Variants in PAPPA2 observed in about 807,000 individuals in gnomAD.
The protein encoded by PAPPA2 is pappalysin-2.
In PAPPA2, 86 loss-of-function variants were observed where a neutral mutation model predicts 176.4. The ratio of observed to expected loss-of-function variants is 0.49; its 90% CI spans 0.41 to 0.58. The LOEUF (loss-of-function observed/expected upper bound fraction) is 0.58. Among genes scored for constraint, PAPPA2 ranks in the 20% least tolerant of loss-of-function variants. PAPPA2 has a pLI of 0.00. For synonymous variants in PAPPA2, 809 were observed against 852.2 expected (o/e 0.95, Z 0.88); for missense variants, 2,073 against 2,256.9 (o/e 0.92, Z 1.65).
In PAPPA2 at chr1:176,678,087, GGAGAGCATTCCA is replaced by G. The variant is rs563522817; in HGVS notation, c.2137+6976_2137+6987del. Among the ~76,000 whole-genome samples the G allele has an allele frequency of 3.7e-3, 570 of 152,290 alleles. 4 individuals are homozygous for G. The highest frequency in any genetic ancestry group is 0.013 in the African/African-American group (533 of 41,580). The stretch of plus-strand genomic sequence containing the variant: ...AGCAGGAGTTTGCTTGGCAGACACA[GGAGAGCATTCCA>G]GAGTGGAAGAACTGGCAGATGGCAG... On this transcript the variant is annotated intron_variant, in intron 4 of 22. Transcript: ENST00000367662.
intron 3 of PAPPA2, among the ~76,000 whole-genome samples, chr1:176,646,542 AT>A (rs1657408230): frequency 6.7e-6 from 1 of 150,186 alleles, no homozygotes; most frequent in East Asian, 2.0e-4. Flanking sequence ...CACATGAACC[AT>A]CCCCCCACCT....
At chr1:176,665,290 G>A (rs571660886) in intron 3 of PAPPA2, among the ~76,000 whole-genome samples, 8 of 152,154 alleles carry the variant, frequency 5.3e-5, no homozygotes, top group African/African-American at 9.6e-5. Flanking sequence ...TACAATTCAT[G>A]CCCACCAGTT....
At chr1:176,583,211 C>T (rs1160835006) in intron 2 of PAPPA2, among the ~76,000 whole-genome samples, 1 of 151,810 alleles carries the variant, frequency 6.6e-6, no homozygotes, top group East Asian at 1.9e-4. Context: ...CTTTCTTAGT[C>T]TCTCTTTTGT....
intron 2 of PAPPA2, among the ~76,000 whole-genome samples, chr1:176,571,963 C>A (rs192792651): frequency 6.6e-6 from 1 of 152,170 alleles, no homozygotes; most frequent in Non-Finnish European, 1.5e-5. Context: ...TAAAGCCCTT[C>A]GAGATAAACC....
chr1:176,618,926 C>A (rs1474724620), intron 3 of PAPPA2, among the ~76,000 whole-genome samples: 1 of 151,898 alleles, frequency 6.6e-6, no homozygotes, highest in Non-Finnish European at 1.5e-5. Context: ...CACATTTGAA[C>A]CATTAAGTAT....
At chr1:176,687,202 A>G (rs113658233) in intron 4 of PAPPA2, among the ~76,000 whole-genome samples, 6 of 152,296 alleles carry the variant, frequency 3.9e-5, no homozygotes, top group African/African-American at 1.4e-4. Flanking sequence ...TAGCTTGCAA[A>G]TGTGTGTTAA....
intron 1 of PAPPA2, among the ~76,000 whole-genome samples, chr1:176,478,500 G>C (rs921341679): frequency 3.9e-5 from 6 of 152,348 alleles, no homozygotes; most frequent in African/African-American, 1.4e-4. Context: ...CTGAATGAAA[G>C]AACATGAAGT....
chr1:176,785,799 AATAT>A (rs1012393343), intron 17 of PAPPA2, among the ~76,000 whole-genome samples: 39 of 152,306 alleles, frequency 2.6e-4, no homozygotes, highest in Admixed American at 2.3e-3. Context: ...CTGGCAAGGA[AATAT>A]ATGAAATCGG....
chr1:176,624,070 A>G (rs1655869070), intron 3 of PAPPA2, among the ~76,000 whole-genome samples: 1 of 152,066 alleles, frequency 6.6e-6, no homozygotes, highest in South Asian at 2.1e-4. Flanking sequence ...TGCATTTCCT[A>G]CAGGGAACGG....
chr1:176,707,101 T>G (rs1660912384), intron 10 of PAPPA2, among the ~76,000 whole-genome samples: 1 of 152,196 alleles, frequency 6.6e-6, no homozygotes, highest in Non-Finnish European at 1.5e-5. Context: ...CATCAACAGG[T>G]TTCTTAGATG....
At chr1:176,495,031 A>G (rs1345309474) in intron 1 of PAPPA2, among the ~76,000 whole-genome samples, 1 of 152,190 alleles carries the variant, frequency 6.6e-6, no homozygotes, top group African/African-American at 2.4e-5. Flanking sequence ...TCAGGCCCCA[A>G]AATGCTAAAA....
At chr1:176,829,476 C>T (rs12142591) in intron 21 of PAPPA2, among the ~76,000 whole-genome samples, 8,995 of 152,266 alleles carry the variant, frequency 0.059, 349 homozygotes, top group Non-Finnish European at 0.086. Flanking sequence ...GGGATGAGCA[C>T]GCATGCTGGG....
intron 12 of PAPPA2, 124 bp downstream of exon 12, chr1:176,712,105 T>C (rs1661173972): frequency 8.4e-7 from 1 of 1,194,366 alleles, no homozygotes; most frequent in Non-Finnish European, 1.2e-6. Context: ...TTTTGTTATC[T>C]CAAAGTGTTA....
chr1:176,674,283 T>C (rs948584563), intron 4 of PAPPA2, among the ~76,000 whole-genome samples: 1 of 152,080 alleles, frequency 6.6e-6, no homozygotes, highest in Non-Finnish European at 1.5e-5. Context: ...TTTCAATAGT[T>C]TTTTGGGGAA....
chr1:176,677,663 T>A, intron 4 of PAPPA2, among the ~76,000 whole-genome samples: 1 of 152,188 alleles, frequency 6.6e-6, no homozygotes, highest in East Asian at 1.9e-4. Flanking sequence ...TTGTCATTGA[T>A]ACCATACTCA....
intron 21 of PAPPA2, among the ~76,000 whole-genome samples, chr1:176,825,551 G>A (rs73050106): frequency 0.02 from 3,014 of 152,254 alleles, 96 homozygotes; most frequent in African/African-American, 0.069. Flanking sequence ...TATGGGGGTC[G>A]TTAGAAGGTG....
At chr1:176,719,348 T>G (rs954056503) in intron 12 of PAPPA2, among the ~76,000 whole-genome samples, 1 of 152,130 alleles carries the variant, frequency 6.6e-6, no homozygotes, top group Non-Finnish European at 1.5e-5. Flanking sequence ...TTTCCTTTTT[T>G]GTGAAAAAAC....
chr1:176,664,951 G>A (rs985575837), intron 3 of PAPPA2, among the ~76,000 whole-genome samples: 11 of 152,054 alleles, frequency 7.2e-5, no homozygotes, highest in African/African-American at 2.7e-4. Flanking sequence ...CTTCTTTCTG[G>A]GGTCATCAGC....
At chr1:176,658,323 A>G (rs1055421320) in intron 3 of PAPPA2, among the ~76,000 whole-genome samples, 2 of 152,024 alleles carry the variant, frequency 1.3e-5, no homozygotes, top group South Asian at 2.1e-4. Context: ...AGAATACATT[A>G]CAGAATATCA....
Sources: allele counts gnomAD v4.1 joint callset (sites outside exome capture counted in the v4.1 genomes callset), GRCh38; gene constraint gnomAD v4.1.1; transcripts MANE v1.5; gene names NCBI Gene and HGNC (gene_info 2026-07-23, HGNC 2026-07-21).